Variants in POFUT3 observed in about 807,000 individuals in gnomAD.
POFUT3 encodes protein O-fucosyltransferase 3, also known as GDP-fucose protein O-fucosyltransferase 3.
the POFUT3 span, among the ~76,000 whole-genome samples, chr8:33,375,403 G>A: frequency 2.0e-5 from 3 of 152,178 alleles, 1 homozygote; most frequent in Non-Finnish European, 4.4e-5. Context: ...CACTAAGGTA[G>A]AGGACAATGA....
At chr8:33,437,646 A>G in the POFUT3 span, among the ~76,000 whole-genome samples, 3 of 152,098 alleles carry the variant, frequency 2.0e-5, no homozygotes, top group African/African-American at 7.2e-5. Flanking sequence ...CTCTGTCTCT[A>G]TTAAAAACAC....
the POFUT3 span, among the ~76,000 whole-genome samples, chr8:33,359,604 T>G: frequency 6.6e-6 from 1 of 152,198 alleles, no homozygotes; most frequent in Non-Finnish European, 1.5e-5. Flanking sequence ...TTGGCAAATC[T>G]TAACTATTGA....
chr8:33,441,235 G>A, the POFUT3 span, among the ~76,000 whole-genome samples: 9 of 150,982 alleles, frequency 6.0e-5, no homozygotes, highest in African/African-American at 1.9e-4. Context: ...GGAGGCTAAG[G>A]CAGGAGAATC....
At chr8:33,320,786 G>A in the POFUT3 span, among the ~76,000 whole-genome samples, 1 of 152,070 alleles carries the variant, frequency 6.6e-6, no homozygotes, top group Non-Finnish European at 1.5e-5. Flanking sequence ...TGGCAGCTGA[G>A]TTACAAGAGG....
At chr8:33,315,909 T>A in the POFUT3 span, among the ~76,000 whole-genome samples, 1 of 152,190 alleles carries the variant, frequency 6.6e-6, no homozygotes, top group East Asian at 1.9e-4. Flanking sequence ...TAATGTATGT[T>A]TCCTCCATGT....
At chr8:33,439,253 A>C in the POFUT3 span, among the ~76,000 whole-genome samples, 1 of 152,148 alleles carries the variant, frequency 6.6e-6, no homozygotes, top group Non-Finnish European at 1.5e-5. Context: ...AATACAAAAA[A>C]TTAGCCGGGC....
At chr8:33,380,145 A>T in the POFUT3 span, among the ~76,000 whole-genome samples, 62 of 72,520 alleles carry the variant, frequency 8.5e-4, 10 homozygotes, top group African/African-American at 4.0e-3. Flanking sequence ...TACTATATAT[A>T]TACACTATAT....
At chr8:33,418,056 C>T in the POFUT3 span, among the ~76,000 whole-genome samples, 18 of 152,194 alleles carry the variant, frequency 1.2e-4, no homozygotes, top group African/African-American at 3.9e-4. Context: ...GTCCAACCCA[C>T]GCCCAAACCT....
At chr8:33,447,664 T>C in the POFUT3 span, among the ~76,000 whole-genome samples, 7 of 121,556 alleles carry the variant, frequency 5.8e-5, no homozygotes, top group African/African-American at 1.3e-4. Context: ...AAATGATTCA[T>C]CTCTAGGAAG....
the POFUT3 span, among the ~76,000 whole-genome samples, chr8:33,373,725 C>T: frequency 6.6e-6 from 1 of 151,950 alleles, no homozygotes; most frequent in African/African-American, 2.4e-5. Flanking sequence ...TCCAGGATAA[C>T]AGAGTGAACA....
At chr8:33,380,163 C>T in the POFUT3 span, among the ~76,000 whole-genome samples, 4 of 44,166 alleles carry the variant, frequency 9.1e-5, no homozygotes, top group Non-Finnish European at 1.4e-4. Flanking sequence ...TATATATATA[C>T]TATATATATA....
At chr8:33,438,838 A>G in the POFUT3 span, among the ~76,000 whole-genome samples, 1 of 152,132 alleles carries the variant, frequency 6.6e-6, no homozygotes, top group Non-Finnish European at 1.5e-5. Flanking sequence ...TTATAAAATC[A>G]TCAGATCTTG....
At chr8:33,379,653 T>A in the POFUT3 span, among the ~76,000 whole-genome samples, 24 of 151,292 alleles carry the variant, frequency 1.6e-4, no homozygotes, top group African/African-American at 5.1e-4. Context: ...CTGGCCAACA[T>A]GGCGAAACCC....
At chr8:33,423,619 C>CA in the POFUT3 span, among the ~76,000 whole-genome samples, 1 of 151,940 alleles carries the variant, frequency 6.6e-6, no homozygotes, top group Non-Finnish European at 1.5e-5. Flanking sequence ...AGAACTTGGA[C>CA]ATTTCAAATT....
At chr8:33,323,899 T>A in the POFUT3 span, among the ~76,000 whole-genome samples, 1 of 152,182 alleles carries the variant, frequency 6.6e-6, no homozygotes, top group Non-Finnish European at 1.5e-5. Context: ...TTTTCTCTGC[T>A]TAGGTAACTA....
At chr8:33,362,694 AG>A in the POFUT3 span, among the ~76,000 whole-genome samples, 1 of 152,330 alleles carries the variant, frequency 6.6e-6, no homozygotes, top group South Asian at 2.1e-4. Context: ...ATAATGGTAA[AG>A]GGATCAATTC....
At chr8:33,456,612 G>C in the POFUT3 span, among the ~76,000 whole-genome samples, 1 of 151,902 alleles carries the variant, frequency 6.6e-6, no homozygotes, top group African/African-American at 2.4e-5. Flanking sequence ...ATCACTACCA[G>C]ATTGTAGGAA....
chr8:33,388,986 C>T, the POFUT3 span: 212 of 1,614,006 alleles, frequency 1.3e-4, no homozygotes, highest in Non-Finnish European at 1.6e-4. Context: ...CTGATATTAG[C>T]CCACACCTTG....
chr8:33,431,953 CAT>C, the POFUT3 span, among the ~76,000 whole-genome samples: 1 of 152,052 alleles, frequency 6.6e-6, no homozygotes, highest in Non-Finnish European at 1.5e-5. Flanking sequence ...GGGACCACAC[CAT>C]TATCTCCTGG....
Sources: gnomAD v4.1 joint callset for allele counts (sites outside exome capture counted in the v4.1 genomes callset) on GRCh38, gnomAD v4.1.1 for gene constraint, MANE v1.5 for transcripts, NCBI Gene and HGNC (gene_info 2026-07-23, HGNC 2026-07-21) for gene names.